The following PRELID2 variants were observed in gnomAD, a reference collection of about 807,000 sequenced individuals.
PRELID2 encodes PRELI domain-containing protein 2.
Under a neutral mutation model 28.4 loss-of-function variants are expected in PRELID2, and 25 were observed. The ratio of observed to expected loss-of-function variants is 0.88; its 90% CI spans 0.64 to 1.23. PRELID2 has a LOEUF of 1.23. Ranked by LOEUF, PRELID2 falls within the 50% of genes most tolerant of loss-of-function variation. The pLI, the probability that PRELID2 is intolerant of heterozygous loss-of-function variation, is 0.00. For missense variants in PRELID2, 201 were observed against 214.4 expected (o/e 0.94, Z 0.39); for synonymous variants, 76 against 71.6 (o/e 1.06, Z -0.31).
At chr5:145,291,009 G>A in the PRELID2 span, among the ~76,000 whole-genome samples, 2 of 151,576 alleles carry the variant, frequency 1.3e-5, no homozygotes, top group African/African-American at 4.9e-5. Flanking sequence ...CAATGGATTA[G>A]GGGAGGTTTT....
intron 1 of PRELID2, among the ~76,000 whole-genome samples, chr5:145,655,214 G>T (rs748057304): frequency 0.014 from 2,082 of 150,878 alleles, 27 homozygotes; most frequent in Non-Finnish European, 0.023. Context: ...ACCTCTTCAA[G>T]GAGAACTACA....
intron 1 of PRELID2, among the ~76,000 whole-genome samples, chr5:145,608,442 A>C (rs984072384): frequency 6.6e-6 from 1 of 152,192 alleles, no homozygotes; most frequent in Non-Finnish European, 1.5e-5. Flanking sequence ...GTCTGGTGGT[A>C]ATGAATTCTC....
chr5:145,365,466 AC>A, the PRELID2 span, among the ~76,000 whole-genome samples: 1 of 151,944 alleles, frequency 6.6e-6, no homozygotes, highest in African/African-American at 2.4e-5. Context: ...ATTGTGACTT[AC>A]ACGTGGAGCC....
the PRELID2 span, among the ~76,000 whole-genome samples, chr5:145,247,810 T>G: frequency 6.6e-6 from 1 of 152,128 alleles, no homozygotes. Flanking sequence ...CTGATGTACC[T>G]CCTGTCTCTG....
At chr5:145,437,176 G>GAGCA in the PRELID2 span, 1 of 152,112 alleles carries the variant, frequency 6.6e-6, no homozygotes, top group Non-Finnish European at 1.5e-5. Context: ...TGTGTAGAGA[G>GAGCA]AGCAGCCTTG....
intron 1 of PRELID2, among the ~76,000 whole-genome samples, chr5:145,705,085 T>C (rs967817731): frequency 3.3e-5 from 5 of 152,186 alleles, no homozygotes; most frequent in Admixed American, 2.6e-4. Context: ...GAACATATAA[T>C]GTCTAACTCA....
the PRELID2 span, among the ~76,000 whole-genome samples, chr5:145,264,355 T>C: frequency 6.6e-6 from 1 of 152,064 alleles, no homozygotes; most frequent in Admixed American, 6.6e-5. Flanking sequence ...AGTCAATAAA[T>C]GTAATACACC....
the PRELID2 span, among the ~76,000 whole-genome samples, chr5:145,430,895 T>A: frequency 1.3e-5 from 2 of 151,736 alleles, no homozygotes; most frequent in African/African-American, 4.8e-5. Context: ...ATACCTAATC[T>A]AGTAATTCTC....
intron 1 of PRELID2, among the ~76,000 whole-genome samples, chr5:145,716,021 A>C (rs1251313374): frequency 6.6e-6 from 1 of 152,092 alleles, no homozygotes; most frequent in Non-Finnish European, 1.5e-5. Flanking sequence ...CCAAATTTGT[A>C]AACTTTCTTA....
intron 1 of PRELID2, among the ~76,000 whole-genome samples, chr5:145,640,139 C>A (rs1048547395): frequency 6.6e-6 from 1 of 151,992 alleles, no homozygotes; most frequent in African/African-American, 2.4e-5. Flanking sequence ...TGTGATGGTT[C>A]AAGGAAATTC....
chr5:145,688,655 G>T (rs2149694013), intron 1 of PRELID2, among the ~76,000 whole-genome samples: 1 of 152,292 alleles, frequency 6.6e-6, no homozygotes, highest in African/African-American at 2.4e-5. Flanking sequence ...AATGTTCTTA[G>T]CAAAAGAAAC....
At chr5:145,790,535 A>T (rs1752300533) in intron 5 of PRELID2, among the ~76,000 whole-genome samples, 1 of 152,032 alleles carries the variant, frequency 6.6e-6, no homozygotes, top group Admixed American at 6.6e-5. Flanking sequence ...GTTAGACAGG[A>T]GGAATAAGTT....
the PRELID2 span, among the ~76,000 whole-genome samples, chr5:145,309,505 T>C: frequency 1.3e-5 from 2 of 152,176 alleles, no homozygotes; most frequent in African/African-American, 4.8e-5. Context: ...TCCTTGTAAC[T>C]TTGGGAGCCA....
downstream of PRELID2, among the ~76,000 whole-genome samples, chr5:145,753,317 A>G (rs1757174528): frequency 6.6e-6 from 1 of 152,202 alleles, no homozygotes; most frequent in Non-Finnish European, 1.5e-5. Flanking sequence ...ACCCTTCAAG[A>G]CAATCAAGTG....
At chr5:145,448,171 G>A in the PRELID2 span, among the ~76,000 whole-genome samples, 13 of 151,788 alleles carry the variant, frequency 8.6e-5, no homozygotes, top group East Asian at 2.0e-4. Flanking sequence ...ATTCTAACTG[G>A]TGTGAGATGG....
At chr5:145,370,883 G>T in the PRELID2 span, among the ~76,000 whole-genome samples, 1 of 152,060 alleles carries the variant, frequency 6.6e-6, no homozygotes, top group South Asian at 2.1e-4. Flanking sequence ...TAGCAATTGC[G>T]AATGGGAATT....
chr5:145,735,938 G>A (rs1756484339), intron 1 of PRELID2, among the ~76,000 whole-genome samples: 1 of 152,178 alleles, frequency 6.6e-6, no homozygotes, highest in African/African-American at 2.4e-5. Context: ...TCTGAAGTGA[G>A]TAGAATTTTA....
the PRELID2 span, among the ~76,000 whole-genome samples, chr5:145,354,408 A>C: frequency 4.6e-5 from 7 of 152,146 alleles, no homozygotes; most frequent in Non-Finnish European, 1.0e-4. Context: ...AGGTAACAAC[A>C]CTCAGGATCC....
At chr5:145,615,661 G>A (rs1035802056) in intron 1 of PRELID2, among the ~76,000 whole-genome samples, 8 of 152,228 alleles carry the variant, frequency 5.3e-5, no homozygotes, top group Middle Eastern at 6.8e-3. Context: ...GTTGGTTGGT[G>A]AATTCTTATC....
Sources: gnomAD v4.1 joint callset for allele counts (sites outside exome capture counted in the v4.1 genomes callset) on GRCh38, gnomAD v4.1.1 for gene constraint, MANE v1.5 for transcripts, NCBI Gene and HGNC (gene_info 2026-07-23, HGNC 2026-07-21) for gene names.